Variants in MARK3 observed in about 807,000 individuals in gnomAD.
MARK3 encodes the protein microtubule affinity regulating kinase 3.
In MARK3, 46 loss-of-function variants were observed where a neutral mutation model predicts 90.1. The ratio of observed to expected loss-of-function variants is 0.51; its 90% CI spans 0.40 to 0.65. MARK3 has a LOEUF of 0.65. Among genes scored for constraint, MARK3 ranks in the 30% least tolerant of loss-of-function variants. MARK3 has a pLI of 0.00. For synonymous variants in MARK3, 321 were observed against 332.6 expected (o/e 0.97, Z 0.38); for missense variants, 818 against 947.2 (o/e 0.86, Z 1.79).
rs6145477 is a variant in MARK3, at chr14:103,470,455, A to ATTTTTTTTTTTTTTTT, written c.1264+2271_1264+2286dup. Reference sequence around the variant, plus strand: ...ATTCCAGGATTCAGGAACTAAATCTATTTTTTTTTTTTTTTTTGAGATGGA... The same window carrying ATTTTTTTTTTTTTTTT: ...ATTCCAGGATTCAGGAACTAAATCTATTTTTTTTTTTTTTTTTTTTTTTTTTTTTTTTTGAGATGGA... On this transcript the variant is annotated intron_variant, in intron 12 of 17. Coordinates refer to ENST00000429436, the MANE Select transcript of MARK3 (RefSeq NM_001128918.3). 5.5e-3 allele frequency among the ~76,000 whole-genome samples: 304 copies of ATTTTTTTTTTTTTTTT among 55,036 alleles called. 89 individuals are homozygous for ATTTTTTTTTTTTTTTT. Among genetic ancestry groups the ATTTTTTTTTTTTTTTT allele is most frequent in the East Asian group, 0.015 (19 of 1,276 alleles). 36.1% of individuals were successfully genotyped at this position (55,036 alleles called of 152,430 possible).
In MARK3 at chr14:103,405,159, C is replaced by T. The variant is rs774825585; in HGVS notation, c.135C>T (p.Ser45=). ...CTCGGTGTAGAAACTCTATAGCCTC[C>T]TGTGCAGATGAACAACCTCACATCG... is the stretch of plus-strand genomic sequence containing the variant. The part of the protein sequence containing the change: ...SGARCRNSIA[S]CADEQPHIGN... The change falls in exon 2 of 18, where the codon TCC becomes TCT. Residue 45 remains serine (S), a synonymous_variant. Coordinates refer to ENST00000429436, the MANE Select transcript of MARK3 (RefSeq NM_001128918.3). 1.0e-5 allele frequency: 16 copies of T among 1,607,894 alleles called. No individual in the cohort carries two copies. Among genetic ancestry groups the T allele is most frequent in the Non-Finnish European group, 1.4e-5 (16 of 1,178,416 alleles).
At chr14:103,416,052 G>A (rs975157829) in intron 2 of MARK3, among the ~76,000 whole-genome samples, 7 of 152,142 alleles carry the variant, frequency 4.6e-5, no homozygotes, top group Admixed American at 1.3e-4. Context: ...CTTTGGCTAT[G>A]ATCATTTATT....
intron 2 of MARK3, among the ~76,000 whole-genome samples, chr14:103,421,019 A>C (rs1307221862): frequency 2.0e-5 from 3 of 152,030 alleles, no homozygotes; most frequent in Non-Finnish European, 4.4e-5. Context: ...CTTACCTAAC[A>C]CCTGCATTTT....
intron 1 of MARK3, among the ~76,000 whole-genome samples, chr14:103,400,326 C>G (rs1391133034): frequency 2.6e-5 from 4 of 152,166 alleles, no homozygotes; most frequent in African/African-American, 9.7e-5. Flanking sequence ...AGAACTAAGC[C>G]AGATGGCTAT....
intron 11 of MARK3, 119 bp downstream of exon 11, chr14:103,467,310 T>C: frequency 1.9e-6 from 1 of 537,926 alleles, no homozygotes; most frequent in Non-Finnish European, 3.3e-6. Flanking sequence ...TTTTTAGATT[T>C]ACTTGCAAAT....
intron 1 of MARK3, among the ~76,000 whole-genome samples, chr14:103,400,528 CAG>C (rs2090887415): frequency 6.6e-6 from 1 of 152,164 alleles, no homozygotes; most frequent in South Asian, 2.1e-4. Flanking sequence ...GGAGAAGAAT[CAG>C]GACTCATTTA....
At chr14:103,448,761 T>C (rs952274947) in intron 3 of MARK3, among the ~76,000 whole-genome samples, 158 bp from the exon 4 acceptor site, 2 of 152,208 alleles carry the variant, frequency 1.3e-5, no homozygotes, top group African/African-American at 4.8e-5. Flanking sequence ...TTCAGAGATA[T>C]TCTGGACTTT....
At chr14:103,433,600 G>A (rs1453186903) in intron 3 of MARK3, among the ~76,000 whole-genome samples, 2 of 151,960 alleles carry the variant, frequency 1.3e-5, no homozygotes, top group Non-Finnish European at 2.9e-5. Flanking sequence ...CACAAGAATC[G>A]CTTGAACCTC....
chr14:103,399,818 T>C (rs930664311), intron 1 of MARK3, among the ~76,000 whole-genome samples: 5 of 152,096 alleles, frequency 3.3e-5, no homozygotes, highest in African/African-American at 1.2e-4. Flanking sequence ...TTTTGTCTTT[T>C]CTGTCATGTT....
intron 2 of MARK3, chr14:103,412,343 T>G: frequency 1.6e-6 from 1 of 631,280 alleles, no homozygotes; most frequent in African/African-American, 1.8e-5. Context: ...GGCCACCGTG[T>G]TTTCATCGTG....
chr14:103,464,601 T>C (rs1177390216), intron 7 of MARK3, among the ~76,000 whole-genome samples: 2 of 151,952 alleles, frequency 1.3e-5, no homozygotes, highest in Admixed American at 6.6e-5. Context: ...CACCCAGCCA[T>C]GATTTGACTC....
intron 12 of MARK3, 77 bp downstream of exon 12, chr14:103,468,263 G>T: frequency 8.7e-7 from 1 of 1,151,444 alleles, no homozygotes; most frequent in Non-Finnish European, 1.2e-6. Flanking sequence ...GCATTCTCTT[G>T]CTCAGAGCCT....
chr14:103,456,051 T>C (rs1336751678), intron 5 of MARK3, among the ~76,000 whole-genome samples: 1 of 152,226 alleles, frequency 6.6e-6, no homozygotes, highest in Non-Finnish European at 1.5e-5. Context: ...ACAGTGCTAA[T>C]AATATATTCC....
At chr14:103,401,299 G>A (rs1014427622) in intron 1 of MARK3, among the ~76,000 whole-genome samples, 15 of 152,126 alleles carry the variant, frequency 9.9e-5, no homozygotes, top group African/African-American at 3.1e-4. Context: ...ACCCTAACAA[G>A]CATCAGATCT....
In MARK3 at chr14:103,392,079, T is replaced by C. The variant is rs539254483; in HGVS notation, c.51+5999T>C. Reference sequence around the variant, plus strand: ...GTTATTTAACAGTTACTGATATGTGTGCATCATGTACTTATTATTAGTTAA... The same window carrying C: ...GTTATTTAACAGTTACTGATATGTGCGCATCATGTACTTATTATTAGTTAA... On this transcript the variant is annotated intron_variant, in intron 1 of 17. Coordinates refer to ENST00000429436, the MANE Select transcript of MARK3 (RefSeq NM_001128918.3). Among the ~76,000 whole-genome samples, 3 of 152,330 alleles carry C rather than the reference T, an allele frequency of 2.0e-5. No homozygotes were observed. The East Asian group carries it at 5.8e-4, about 29-fold the overall frequency.
At chr14:103,402,849 A>G (rs542524864) in intron 1 of MARK3, among the ~76,000 whole-genome samples, 1 of 152,282 alleles carries the variant, frequency 6.6e-6, no homozygotes, top group East Asian at 1.9e-4. Flanking sequence ...GCACTAGTAA[A>G]GTTTTGGGGA....
chr14:103,502,969 T>A lies in MARK3; in HGVS notation c.2004T>A (p.Ser668Arg). ...TCACCTGGAGCATGAAAACCACTAG[T>A]TCAATGGATCCCGGGGACATGATGC... ...LRFTWSMKTTSSMDPGDMMRE... is the reference protein window; with the variant it reads ...LRFTWSMKTTRSMDPGDMMRE... Residue 668 changes from serine (S) to arginine (R), a missense_variant, in exon 18 of 18, where the codon AGT (serine) becomes AGA (arginine). Physicochemically the swap from Ser to Arg is moderately radical, Grantham distance 110 (BLOSUM62 -1). Around this residue, in one of 3 missense-constraint regions of MARK3, gnomAD observed 560 missense variants for 613.5 expected, o/e 0.91. Transcript: ENST00000429436. The A allele has an allele frequency of 6.2e-7, 1 of 1,614,234 alleles. No homozygotes were observed.
chr14:103,467,236 T>TAGTTTATAAAAACTAAGAAAAC, intron 11 of MARK3, 45 bp downstream of exon 11: 1 of 847,198 alleles, frequency 1.2e-6, no homozygotes, highest in Non-Finnish European at 1.9e-6. Flanking sequence ...ATGTAATTAT[T>TAGTTTATAAAAACTAAGAAAAC]AGTTTATATA....
chr14:103,498,158 A>C (rs917556018), intron 15 of MARK3, among the ~76,000 whole-genome samples: 1 of 151,890 alleles, frequency 6.6e-6, no homozygotes, highest in Non-Finnish European at 1.5e-5. Flanking sequence ...CATAGGTTGC[A>C]TTGAGCTGAG....
Sources: allele counts gnomAD v4.1 joint callset (sites outside exome capture counted in the v4.1 genomes callset), GRCh38; gene constraint gnomAD v4.1.1; regional missense constraint gnomAD v4.1.1; transcripts MANE v1.5; gene names NCBI Gene and HGNC (gene_info 2026-07-23, HGNC 2026-07-21).